The following BTD variants were observed in gnomAD, a reference collection of about 807,000 sequenced individuals.
BTD encodes the protein biotinidase.
A neutral mutation model predicts 17.7 loss-of-function variants in BTD; 13 were observed. The observed-to-expected ratio is 0.74, with a 90% confidence interval of 0.48 to 1.17. The LOEUF (loss-of-function observed/expected upper bound fraction) is 1.17. Ranked by LOEUF, BTD falls within the 50% of genes most tolerant of loss-of-function variation. The pLI is 0.00. For synonymous variants in BTD, 240 were observed against 245.2 expected (o/e 0.98, Z 0.20); for missense variants, 674 against 650.4 (o/e 1.04, Z -0.39).
chr3:15,693,853 T>C (rs1487769798), intron 3 of BTD, among the ~76,000 whole-genome samples: 1 of 152,144 alleles, frequency 6.6e-6, no homozygotes, highest in Non-Finnish European at 1.5e-5. Context: ...TTAATGTATA[T>C]ATGTCAGTGT....
At chr3:15,693,855 T>C (rs1158482530) in intron 3 of BTD, among the ~76,000 whole-genome samples, 1 of 152,122 alleles carries the variant, frequency 6.6e-6, no homozygotes, top group Non-Finnish European at 1.5e-5. Context: ...AATGTATATA[T>C]GTCAGTGTTA....
At chr3:15,619,134 A>G (rs2064875239) in intron 1 of BTD, among the ~76,000 whole-genome samples, 1 of 152,206 alleles carries the variant, frequency 6.6e-6, no homozygotes, top group African/African-American at 2.4e-5. Context: ...CGATCTTTGT[A>G]TAAAGTCTCT....
intron 1 of BTD, among the ~76,000 whole-genome samples, chr3:15,619,703 G>T (rs957618057): frequency 6.6e-6 from 1 of 152,192 alleles, no homozygotes; most frequent in Admixed American, 6.5e-5. Context: ...GTATTAGTCT[G>T]AATTCTCTAG....
downstream of BTD, chr3:15,714,601 C>A: frequency 6.3e-7 from 1 of 1,590,692 alleles, no homozygotes; most frequent in Non-Finnish European, 8.5e-7. Context: ...GGTTTGTGAT[C>A]GGGAGAATCT....
In BTD at chr3:15,645,767, T is replaced by C. The variant is rs1386396245; in HGVS notation, c.*279T>C. The C allele has an allele frequency of 2.3e-6, 1 of 426,036 alleles. No individual in the cohort carries two copies. Among genetic ancestry groups the C allele is most frequent in the Non-Finnish European group, 4.2e-6 (1 of 237,288 alleles). 26.4% of individuals were successfully genotyped at this position (426,036 alleles called of 1,614,324 possible). A position where few individuals can be genotyped will look rare whatever the true frequency, so the allele number is the denominator to read the frequency against. On this transcript the variant is annotated 3_prime_UTR_variant, in exon 4 of 4. Coordinates refer to ENST00000643237, the MANE Select transcript of BTD (RefSeq NM_001370658.1). ...CTCTAACAAATCTCTCAGTATGCGA[T>C]TGGTCTCAAGCTAAAACAAAAATAA...
At chr3:15,715,989 T>TC (rs1491463686), downstream of BTD, among the ~76,000 whole-genome samples, 35 of 149,246 alleles carry the variant, frequency 2.3e-4, no homozygotes, top group African/African-American at 8.0e-4. Context: ...GCCTTTTTTT[T>TC]CTCTCTTTTT....
intron 3 of BTD, among the ~76,000 whole-genome samples, chr3:15,695,857 G>GAAT (rs2069464854): frequency 6.6e-6 from 1 of 151,976 alleles, no homozygotes; most frequent in Non-Finnish European, 1.5e-5. Flanking sequence ...AACTTATGAG[G>GAAT]AATATTAATT....
At chr3:15,657,853 A>G (rs144543509), downstream of BTD, among the ~76,000 whole-genome samples, 477 of 151,920 alleles carry the variant, frequency 3.1e-3, no homozygotes, top group Middle Eastern at 0.021. Context: ...CCAGAAACCC[A>G]AGATATAACA....
At chr3:15,602,212 C>CA (rs2064282502) in intron 1 of BTD, 1 of 1,365,644 alleles carries the variant, frequency 7.3e-7, no homozygotes, top group Non-Finnish European at 9.4e-7. Flanking sequence ...AAATGACGCT[C>CA]AGAGTCAGTA....
intron 4 of BTD, among the ~76,000 whole-genome samples, chr3:15,720,539 C>T (rs2073606704): frequency 6.6e-6 from 1 of 152,110 alleles, no homozygotes; most frequent in Non-Finnish European, 1.5e-5. Flanking sequence ...ACAAATGAAC[C>T]ACCTTATCAG....
chr3:15,697,576 C>T (rs1408978656), intron 3 of BTD, among the ~76,000 whole-genome samples: 1 of 152,024 alleles, frequency 6.6e-6, no homozygotes, highest in Non-Finnish European at 1.5e-5. Context: ...TACGTTGAAC[C>T]AGCCTTGCAT....
intron 3 of BTD, among the ~76,000 whole-genome samples, chr3:15,687,632 TCCACAGTATG>T (rs1422644485): frequency 2.0e-5 from 3 of 151,516 alleles, no homozygotes; most frequent in Non-Finnish European, 4.4e-5. Context: ...TGCTGAATAT[TCCACAGTATG>T]TTCCCACAGT....
chr3:15,667,889 C>T (rs996587532), intron 3 of BTD: 3 of 152,188 alleles, frequency 2.0e-5, no homozygotes, highest in African/African-American at 7.2e-5. Flanking sequence ...ATAGCTACAC[C>T]TTGGATTTCA....
intron 3 of BTD, chr3:15,694,732 T>A (rs1478739390): frequency 6.2e-7 from 1 of 1,612,202 alleles, no homozygotes; most frequent in Non-Finnish European, 8.5e-7. Context: ...ATGAAGGCAG[T>A]ACTCACAGCC....
At chr3:15,694,194 T>C (rs1333166973) in intron 3 of BTD, among the ~76,000 whole-genome samples, 1 of 147,554 alleles carries the variant, frequency 6.8e-6, no homozygotes, top group Non-Finnish European at 1.5e-5. Context: ...CCTAACCTTC[T>C]CCATTTAGTG....
rs768877292 is a variant in BTD, at chr3:15,601,757, C to T, written c.-154C>T. On this transcript the variant is annotated 5_prime_UTR_variant, in exon 1 of 4. Coordinates refer to ENST00000643237, the MANE Select transcript of BTD (RefSeq NM_001370658.1). ...AGGCGGGACTAGCAGGAGATTGCTG[C>T]CTATGCAAAGCAGGTAAGAAGCCGA... The T allele has an allele frequency of 5.0e-6, 8 of 1,601,472 alleles. No homozygotes were observed. In the Admixed American group the frequency reaches 1.2e-4, roughly 24 times the overall value.
intron 1 of BTD, among the ~76,000 whole-genome samples, chr3:15,615,216 G>A (rs1221556152): frequency 1.3e-5 from 2 of 152,196 alleles, no homozygotes; most frequent in African/African-American, 2.4e-5. Context: ...TCTTGGCATA[G>A]AGTTACCTGG....
downstream of BTD, among the ~76,000 whole-genome samples, chr3:15,717,564 G>C (rs1403427863): frequency 6.6e-6 from 1 of 151,472 alleles, no homozygotes; most frequent in Admixed American, 6.6e-5. Context: ...AAAATTTAGA[G>C]CTACAAAAAT....
chr3:15,701,336 T>A (rs1470573326), intron 3 of BTD, among the ~76,000 whole-genome samples: 1 of 151,920 alleles, frequency 6.6e-6, no homozygotes, highest in Non-Finnish European at 1.5e-5. Context: ...TTCTTTGGAG[T>A]CAAGCATAAT....
Sources: allele counts gnomAD v4.1 joint callset (sites outside exome capture counted in the v4.1 genomes callset), GRCh38; gene constraint gnomAD v4.1.1; transcripts MANE v1.5; gene names NCBI Gene and HGNC (gene_info 2026-07-23, HGNC 2026-07-21).